The following IARS1 variants were observed in gnomAD, a reference collection of about 807,000 sequenced individuals.
IARS1 encodes the protein isoleucine--tRNA ligase, cytoplasmic.
IARS1 carries 124 observed loss-of-function variants against 168.2 expected under a neutral mutation model. The ratio of observed to expected loss-of-function variants is 0.74; its 90% CI spans 0.64 to 0.86. The LOEUF is 0.86. Ranked by LOEUF, IARS1 falls within the 40% of genes least tolerant of loss-of-function variation. The pLI, the probability that IARS1 is intolerant of heterozygous loss-of-function variation, is 0.00. For synonymous variants in IARS1, 532 were observed against 529.4 expected (o/e 1.00, Z -0.07); for missense variants, 1,452 against 1,515.8 (o/e 0.96, Z 0.70).
intron 33 of IARS1, among the ~76,000 whole-genome samples, chr9:92,219,556 TCAAA>T (rs1379577938): frequency 5.3e-5 from 8 of 150,722 alleles, no homozygotes; most frequent in African/African-American, 1.7e-4. Flanking sequence ...TACAATGAAC[TCAAA>T]CAAATTTACA....
At chr9:92,250,667 C>A in intron 23 of IARS1, 46 bp downstream of exon 23, 1 of 1,508,634 alleles carries the variant, frequency 6.6e-7, no homozygotes, top group Admixed American at 2.0e-5. Flanking sequence ...TTGAGCAACT[C>A]TCCCCTCCTT....
intron 1 of IARS1, among the ~76,000 whole-genome samples, chr9:92,290,798 G>A (rs1319778136): frequency 6.6e-6 from 1 of 151,968 alleles, no homozygotes; most frequent in Non-Finnish European, 1.5e-5. Flanking sequence ...TTAATAATCT[G>A]AAGAAAAATA....
intron 17 of IARS1, among the ~76,000 whole-genome samples, chr9:92,261,105 T>G (rs1039364317): frequency 1.3e-5 from 2 of 152,140 alleles, no homozygotes; most frequent in African/African-American, 4.8e-5. Flanking sequence ...GCTCAGGAGC[T>G]CGAGACCAGC....
intron 1 of IARS1, chr9:92,292,473 G>A (rs770441697): frequency 1.3e-5 from 2 of 155,210 alleles, no homozygotes; most frequent in African/African-American, 2.4e-5. Context: ...ATGTACCAGC[G>A]ACCGGGCTAT....
At position 92,229,025 on chromosome 9, in the gene IARS1, G is replaced by C. The variant is rs775905012; in HGVS notation, c.3385C>G (p.Leu1129Val). Residue 1129 changes from leucine (L) to valine (V), a missense_variant, in exon 31 of 34, where the codon CTG becomes GTG. Transcript: ENST00000443024. ...CCTGTTTCATCATGGAAGACAGCCA[G>C]CTCTGTATTTTTCACACCAAAAATG... The part of the protein sequence containing the change: ...TSIFGVKNTE[L>V]AVFHDETEIQ... 6.2e-7 allele frequency: 1 copy of C among 1,614,046 alleles called. No homozygotes were observed. Among genetic ancestry groups the C allele is most frequent in the Non-Finnish European group, 8.5e-7 (1 of 1,180,002 alleles).
intron 31 of IARS1, among the ~76,000 whole-genome samples, chr9:92,227,236 T>G (rs1333878152): frequency 6.7e-6 from 1 of 148,434 alleles, no homozygotes; most frequent in African/African-American, 2.5e-5. Context: ...CCATCCGATT[T>G]CTCAATCTTT....
intron 18 of IARS1, among the ~76,000 whole-genome samples, 191 bp downstream of exon 18, chr9:92,259,960 A>G (rs1403677210): frequency 6.6e-6 from 1 of 152,214 alleles, no homozygotes; most frequent in African/African-American, 2.4e-5. Context: ...AGGTTTAAAA[A>G]TGCCTTTATT....
At chr9:92,282,403 A>C (rs1359846095) in intron 6 of IARS1, among the ~76,000 whole-genome samples, 1 of 151,954 alleles carries the variant, frequency 6.6e-6, no homozygotes, top group Non-Finnish European at 1.5e-5. Context: ...CCCAGGTTCA[A>C]GCATTCTCCT....
Position 92,258,515 on chromosome 9 carries a change from A to G in IARS1, c.2016+339T>C, listed in dbSNP as rs376771980. 9.2e-5 allele frequency among the ~76,000 whole-genome samples: 14 copies of G among 152,148 alleles called. No homozygotes were observed. The East Asian group carries it at 1.9e-3, about 21-fold the overall frequency. ...GGAGGCTGAGGCAGTGCCTCAACCC[A>G]GGAGGCAGAGGTTACAGTGAGCCGA... On this transcript the variant is annotated intron_variant, in intron 19 of 33. Coordinates refer to ENST00000443024, the MANE Select transcript of IARS1 (RefSeq NM_002161.6).
At chr9:92,272,103 C>G (rs978995923) in intron 10 of IARS1, among the ~76,000 whole-genome samples, 1 of 152,194 alleles carries the variant, frequency 6.6e-6, no homozygotes, top group African/African-American at 2.4e-5. Flanking sequence ...AGTCGAGGTA[C>G]CAAGAAGTAA....
chr9:92,249,309 T>C (rs1297302717), intron 25 of IARS1, among the ~76,000 whole-genome samples: 1 of 152,186 alleles, frequency 6.6e-6, no homozygotes, highest in Non-Finnish European at 1.5e-5. Flanking sequence ...CCCAGCACTT[T>C]GGGAGGCCAA....
chr9:92,289,158 G>T lies in IARS1; in HGVS notation c.119+143C>A, dbSNP rs982725797. 6.1e-6 allele frequency: 3 copies of T among 489,302 alleles called. No individual in the cohort carries two copies. The Admixed American group carries it at 1.2e-4, about 20-fold the overall frequency. The allele number at this position is 489,302 out of a possible 1,614,324, so 30.3% of individuals were successfully genotyped here. On this transcript the variant is annotated intron_variant, in intron 2 of 33. Transcript: ENST00000443024. Reference sequence around the variant, plus strand: ...GGAGGCAGAGGTAGCAGTGAGCAGAGATTGCACCACTGCCCTCCAGCCTGG... The same window carrying T: ...GGAGGCAGAGGTAGCAGTGAGCAGATATTGCACCACTGCCCTCCAGCCTGG...
chr9:92,284,989 T>C (rs757835110), intron 6 of IARS1, among the ~76,000 whole-genome samples: 1 of 152,186 alleles, frequency 6.6e-6, no homozygotes, highest in East Asian at 1.9e-4. Context: ...AAACAGGATA[T>C]GTGAAAGCAT....
intron 33 of IARS1, among the ~76,000 whole-genome samples, chr9:92,217,909 C>T (rs1205351164): frequency 6.6e-6 from 1 of 152,098 alleles, no homozygotes; most frequent in Non-Finnish European, 1.5e-5. Flanking sequence ...AGGGAATCCT[C>T]CCTAACTCCT....
chr9:92,255,336 G>A (rs935701438), intron 20 of IARS1, among the ~76,000 whole-genome samples: 6 of 152,184 alleles, frequency 3.9e-5, no homozygotes, highest in East Asian at 1.9e-4. Flanking sequence ...AGCAGGAACC[G>A]CAGAGCCCTG....
intron 15 of IARS1, 142 bp downstream of exon 15, chr9:92,265,338 C>T: frequency 2.4e-6 from 2 of 840,232 alleles, no homozygotes; most frequent in Admixed American, 2.1e-5. Context: ...ACAGAGGCCA[C>T]AATACTGCAA....
chr9:92,251,966 G>T, intron 21 of IARS1, 81 bp from the exon 22 acceptor site: 1 of 1,020,438 alleles, frequency 9.8e-7, no homozygotes, highest in Non-Finnish European at 1.5e-6. Context: ...TTAAAAAGAG[G>T]CAATCTTCAA....
chr9:92,252,179 G>T (rs928174852), intron 21 of IARS1, among the ~76,000 whole-genome samples: 1 of 152,098 alleles, frequency 6.6e-6, no homozygotes, highest in Non-Finnish European at 1.5e-5. Flanking sequence ...GGACCCGAAG[G>T]CTGAAGGTAG....
At chr9:92,262,601 T>C (rs755532182) in intron 17 of IARS1, among the ~76,000 whole-genome samples, 3 of 152,102 alleles carry the variant, frequency 2.0e-5, no homozygotes, top group Non-Finnish European at 4.4e-5. Context: ...CCTGGGCACC[T>C]GTGGTCTCTA....
Sources: gnomAD v4.1 joint callset for allele counts (sites outside exome capture counted in the v4.1 genomes callset) on GRCh38, gnomAD v4.1.1 for gene constraint, MANE v1.5 for transcripts, NCBI Gene and HGNC (gene_info 2026-07-23, HGNC 2026-07-21) for gene names.